Variants in SMCO2 observed in about 807,000 individuals in gnomAD.
SMCO2 encodes single-pass membrane and coiled-coil domain-containing protein 2.
A neutral mutation model predicts 29.5 loss-of-function variants in SMCO2; 25 were observed. That is an observed-to-expected ratio of 0.85 (90% CI 0.62 to 1.18). The LOEUF (loss-of-function observed/expected upper bound fraction) is 1.18. SMCO2 is among the 50% of genes most tolerant of loss of function. SMCO2 has a pLI of 0.00. For missense variants in SMCO2, 348 were observed against 344.5 expected (o/e 1.01, Z -0.08); for synonymous variants, 117 against 123.3 (o/e 0.95, Z 0.34).
intron 1 of SMCO2, among the ~76,000 whole-genome samples, chr12:27,469,580 A>G (rs890277410): frequency 2.0e-5 from 3 of 152,170 alleles, no homozygotes; most frequent in Non-Finnish European, 4.4e-5. Context: ...CTTGTCCCTC[A>G]GGGTGCTGGG....
exon 3 of SMCO2, chr12:27,472,832 A>T: frequency 6.4e-7 from 1 of 1,550,830 alleles, no homozygotes; most frequent in Non-Finnish European, 8.7e-7. Context: ...GATGATGAGG[A>T]TGACATTTCC....
At chr12:27,456,814 G>T in the SMCO2 span, among the ~76,000 whole-genome samples, 1 of 152,082 alleles carries the variant, frequency 6.6e-6, no homozygotes, top group Non-Finnish European at 1.5e-5. Flanking sequence ...TACCAGTTAG[G>T]ACTGGTAACC....
the SMCO2 span, among the ~76,000 whole-genome samples, chr12:27,444,023 T>A: frequency 6.6e-6 from 1 of 152,168 alleles, no homozygotes; most frequent in Admixed American, 6.6e-5. Context: ...AAAGCAATCC[T>A]GAACAAAAAG....
the SMCO2 span, among the ~76,000 whole-genome samples, chr12:27,459,561 C>T: frequency 9.2e-5 from 14 of 152,168 alleles, no homozygotes; most frequent in Non-Finnish European, 1.5e-5. Flanking sequence ...GTACACACAA[C>T]CTCTGTGACA....
the SMCO2 span, among the ~76,000 whole-genome samples, chr12:27,451,862 C>T: frequency 6.6e-6 from 1 of 152,252 alleles, no homozygotes. Context: ...CAACTACCCT[C>T]CTTCTTGCCT....
chr12:27,461,305 A>G, the SMCO2 span, among the ~76,000 whole-genome samples: 3 of 152,096 alleles, frequency 2.0e-5, no homozygotes, highest in African/African-American at 7.2e-5. Flanking sequence ...TTTGTTACGC[A>G]GGTAAATTGC....
At chr12:27,479,666 G>A (rs2165959) in intron 4 of SMCO2, among the ~76,000 whole-genome samples, 2,882 of 152,172 alleles carry the variant, frequency 0.019, 39 homozygotes, top group Non-Finnish European at 0.028. Context: ...TCATGGGAGC[G>A]GGTATTTCCT....
chr12:27,429,166 C>A, the SMCO2 span, among the ~76,000 whole-genome samples: 1 of 151,872 alleles, frequency 6.6e-6, no homozygotes, highest in Non-Finnish European at 1.5e-5. Context: ...TTTGTAGTAA[C>A]GTATTAGTAG....
At chr12:27,434,242 C>T in the SMCO2 span, among the ~76,000 whole-genome samples, 19 of 152,264 alleles carry the variant, frequency 1.2e-4, no homozygotes, top group East Asian at 2.1e-3. Context: ...CAAATTCCTG[C>T]GCCCCACCTG....
intron 1 of SMCO2, among the ~76,000 whole-genome samples, chr12:27,469,374 T>C (rs1949523332): frequency 6.6e-6 from 1 of 152,182 alleles, no homozygotes; most frequent in African/African-American, 2.4e-5. Flanking sequence ...GCCCCTTTTA[T>C]ACCACACAAG....
exon 2 of SMCO2, chr12:27,470,684 T>G: frequency 6.4e-7 from 1 of 1,551,310 alleles, no homozygotes; most frequent in South Asian, 1.2e-5. Flanking sequence ...CAGATGAAGA[T>G]GGACTGCCAG....
intron 3 of SMCO2, among the ~76,000 whole-genome samples, chr12:27,474,518 C>T (rs988579780): frequency 1.3e-5 from 2 of 151,920 alleles, no homozygotes; most frequent in Non-Finnish European, 2.9e-5. Context: ...TTTTGGAGTC[C>T]GTGGTCAGAT....
At chr12:27,487,595 G>T (rs1234452129) in intron 4 of SMCO2, among the ~76,000 whole-genome samples, 1 of 152,156 alleles carries the variant, frequency 6.6e-6, no homozygotes, top group African/African-American at 2.4e-5. Flanking sequence ...TGAAATTGCT[G>T]GGTCATATGG....
At chr12:27,427,961 A>G in the SMCO2 span, among the ~76,000 whole-genome samples, 2 of 152,176 alleles carry the variant, frequency 1.3e-5, no homozygotes, top group Admixed American at 1.3e-4. Context: ...GGTCGGGTTA[A>G]GGATGAAATC....
the SMCO2 span, among the ~76,000 whole-genome samples, chr12:27,449,156 A>G: frequency 6.6e-6 from 1 of 152,166 alleles, no homozygotes; most frequent in Admixed American, 6.5e-5. Context: ...ATTATAAATC[A>G]TGCCACCCCT....
intron 5 of SMCO2, among the ~76,000 whole-genome samples, chr12:27,490,671 T>C (rs1301423054): frequency 6.6e-6 from 1 of 152,246 alleles, no homozygotes; most frequent in Non-Finnish European, 1.5e-5. Flanking sequence ...GACTCACACC[T>C]GTAACCCCAG....
the SMCO2 span, among the ~76,000 whole-genome samples, chr12:27,434,033 C>T: frequency 3.3e-5 from 5 of 152,304 alleles, no homozygotes; most frequent in South Asian, 1.0e-3. Context: ...TGTTTTCCAA[C>T]CTCAGATGTG....
intron 5 of SMCO2, among the ~76,000 whole-genome samples, chr12:27,493,175 C>T (rs546772468): frequency 6.6e-6 from 1 of 152,088 alleles, no homozygotes; most frequent in Non-Finnish European, 1.5e-5. Context: ...CTGGGGTCTA[C>T]TTGAGGGTGG....
At chr12:27,441,121 C>T in the SMCO2 span, among the ~76,000 whole-genome samples, 1 of 151,646 alleles carries the variant, frequency 6.6e-6, no homozygotes, top group African/African-American at 2.4e-5. Flanking sequence ...TAGCTGGGCA[C>T]GGTGGCACAC....
Sources: gnomAD v4.1 joint callset for allele counts (sites outside exome capture counted in the v4.1 genomes callset) on GRCh38, gnomAD v4.1.1 for gene constraint, MANE v1.5 for transcripts, NCBI Gene and HGNC (gene_info 2026-07-23, HGNC 2026-07-21) for gene names.